CEP43: variants seen among roughly 807,000 people sequenced by gnomAD.
CEP43 encodes centrosomal protein 43, also known as FGFR1 oncogene partner.
Under a neutral mutation model 52.6 loss-of-function variants are expected in CEP43, and 36 were observed. That is an observed-to-expected ratio of 0.68 (90% CI 0.52 to 0.90). CEP43 has a LOEUF of 0.90. CEP43 is among the 40% of genes least tolerant of loss of function. The probability of loss-of-function intolerance (pLI) is 0.00; values close to 1 mark genes in which losing one functional copy is unlikely to be tolerated. For synonymous variants in CEP43, 192 were observed against 172.4 expected (o/e 1.11, Z -0.89); for missense variants, 506 against 472.8 (o/e 1.07, Z -0.65).
intron 5 of CEP43, among the ~76,000 whole-genome samples, chr6:167,004,930 T>G (rs1562523129): frequency 6.6e-6 from 1 of 152,244 alleles, no homozygotes; most frequent in African/African-American, 2.4e-5. Flanking sequence ...CAGTTCAAAC[T>G]TACACTTTTT....
rs73033025 is a variant in CEP43 at position 167,042,998 on chromosome 6, A to G, written c.*3020A>G. On this transcript the variant is annotated 3_prime_UTR_variant, in exon 13 of 13. Coordinates refer to ENST00000366847, the MANE Select transcript of CEP43 (RefSeq NM_007045.4). ...ATGTGGTTTCTGGCTAGGCAGCTGG[A>G]ACAATCTACAAAATCTGAGGGGAAA... 0.021 allele frequency: 3,129 copies of G among 152,384 alleles called. 53 individuals carry two copies. Among genetic ancestry groups the G allele is most frequent in the East Asian group, 0.09 (468 of 5,180 alleles). 9.4% of individuals were successfully genotyped at this position (152,384 alleles called of 1,614,324 possible).
At chr6:167,013,430 CTTTG>C (rs1241962402) in intron 6 of CEP43, 74 bp from the exon 7 acceptor site, 20 of 1,203,262 alleles carry the variant, frequency 1.7e-5, no homozygotes, top group Non-Finnish European at 2.3e-5. Flanking sequence ...CAGTAGGTAT[CTTTG>C]TTTGGTAATG....
chr6:167,025,122 G>A (rs907057299), intron 9 of CEP43: 8 of 328,442 alleles, frequency 2.4e-5, no homozygotes, highest in Middle Eastern at 7.9e-4. Flanking sequence ...ATATACCATC[G>A]GAATACTTTT....
At chr6:167,004,004 T>A (rs1779796214) in intron 4 of CEP43, 193 bp downstream of exon 4, 1 of 590,816 alleles carries the variant, frequency 1.7e-6, no homozygotes, top group South Asian at 2.4e-5. Flanking sequence ...TGCTTTGTGT[T>A]ACTTGAAAGC....
intron 5 of CEP43, among the ~76,000 whole-genome samples, chr6:167,004,920 C>G (rs1361719811): frequency 6.6e-6 from 1 of 152,200 alleles, no homozygotes; most frequent in African/African-American, 2.4e-5. Flanking sequence ...TGTTTAGAAA[C>G]AGTTCAAACT....
rs756608056 is a variant in CEP43, at chr6:167,026,539, G to C, written c.920-8G>C. The stretch of plus-strand genomic sequence containing the variant: ...CACTCTAATGTTAATATTTTCTCCT[G>C]TTCACAGGTAAAAGGGGAAATACAG... On this transcript the variant is annotated splice_polypyrimidine_tract_variant and splice_region_variant and intron_variant, in intron 9 of 12. Transcript: ENST00000366847. 1 of 1,552,644 alleles carries C rather than the reference G, an allele frequency of 6.4e-7. No individual in the cohort carries two copies. Among genetic ancestry groups the C allele is most frequent in the Non-Finnish European group, 8.9e-7 (1 of 1,124,110 alleles).
At chr6:167,023,411 C>T (rs1357758358) in intron 8 of CEP43, among the ~76,000 whole-genome samples, 1 of 152,124 alleles carries the variant, frequency 6.6e-6, no homozygotes, top group Non-Finnish European at 1.5e-5. Context: ...GGTTTTTAGC[C>T]TGCAAAACTA....
chr6:167,034,137 G>A (rs1320843540), intron 12 of CEP43, among the ~76,000 whole-genome samples, 166 bp downstream of exon 12: 1 of 152,218 alleles, frequency 6.6e-6, no homozygotes, highest in Non-Finnish European at 1.5e-5. Flanking sequence ...TTTGATGAAT[G>A]TGTAAGATTG....
rs1260850167 is a variant in CEP43 at position 167,051,750 on chromosome 6, T to G, written c.*11772T>G. 1 of 152,266 alleles carries G rather than the reference T, an allele frequency of 6.6e-6. No individual in the cohort carries two copies. The highest frequency in any genetic ancestry group is 1.5e-5 in the Non-Finnish European group (1 of 68,048). 9.4% of individuals were successfully genotyped at this position (152,266 alleles called of 1,614,324 possible). On this transcript the variant is annotated 3_prime_UTR_variant, in exon 13 of 13. Transcript: ENST00000366847. The stretch of plus-strand genomic sequence containing the variant: ...TTTTTTGTCTGTTTGACTTAAAGTC[T>G]ATTTTGTTTGATATTAGCATAGCTA...
At chr6:167,000,398 T>A (rs1779707065) in intron 2 of CEP43, among the ~76,000 whole-genome samples, 1 of 152,236 alleles carries the variant, frequency 6.6e-6, no homozygotes, top group Admixed American at 6.5e-5. Context: ...GTCAATGTGT[T>A]AAGTGCAGGT....
intron 8 of CEP43, among the ~76,000 whole-genome samples, chr6:167,022,890 G>A (rs1780269526): frequency 1.3e-5 from 2 of 152,090 alleles, no homozygotes; most frequent in African/African-American, 4.8e-5. Flanking sequence ...GTGGGGTGCA[G>A]CAATGATAGA....
chr6:167,036,479 T>G, intron 12 of CEP43: 1 of 985,332 alleles, frequency 1.0e-6, no homozygotes, highest in Non-Finnish European at 1.2e-6. Flanking sequence ...CATAGGTAGA[T>G]GTTGGAGGAA....
intron 12 of CEP43, 102 bp from the exon 13 acceptor site, chr6:167,039,802 C>A: frequency 8.5e-7 from 1 of 1,171,746 alleles, no homozygotes; most frequent in Non-Finnish European, 1.2e-6. Flanking sequence ...GCCATTCTTG[C>A]AGGAGTAAGG....
Position 167,003,978 on chromosome 6 carries a change from C to T in CEP43, c.300+167C>T, listed in dbSNP as rs1779795762. ...AAAAGCCATATGAGCTTTCAGATAGCTGGCACCAGTGTTGCTGCTTTGTGT... is the reference window on the plus strand; with the variant it reads ...AAAAGCCATATGAGCTTTCAGATAGTTGGCACCAGTGTTGCTGCTTTGTGT... On this transcript the variant is annotated intron_variant, in intron 4 of 12. Transcript: ENST00000366847. 9 of 603,894 alleles carry T rather than the reference C, an allele frequency of 1.5e-5. No individual in the cohort carries two copies. The South Asian group carries it at 2.0e-4, about 14-fold the overall frequency. 37.4% of individuals were successfully genotyped at this position (603,894 alleles called of 1,614,324 possible). A position where few individuals can be genotyped will look rare whatever the true frequency, so the allele number is the denominator to read the frequency against.
intron 12 of CEP43, 135 bp from the exon 13 acceptor site, chr6:167,039,769 T>TATTTTTTG: frequency 1.2e-6 from 1 of 866,018 alleles, no homozygotes; most frequent in Non-Finnish European, 1.9e-6. Context: ...ACATTTATAT[T>TATTTTTTG]ATTTTTTGAT....
In CEP43 at chr6:167,025,123, G is replaced by A. The variant is rs78350210; in HGVS notation, c.919+229G>A. On this transcript the variant is annotated intron_variant, in intron 9 of 12. Coordinates refer to ENST00000366847, the MANE Select transcript of CEP43 (RefSeq NM_007045.4). ...CCCTTCCTATACCTATATACCATCG[G>A]AATACTTTTGGGAAGTTGACTTTTT... 2,748 of 325,158 alleles carry A rather than the reference G, an allele frequency of 8.5e-3. 146 individuals are homozygous for A. The East Asian group carries it at 0.1, about 12-fold the overall frequency. The allele number at this position is 325,158 out of a possible 1,614,324, so 20.1% of individuals were successfully genotyped here. A position where few individuals can be genotyped will look rare whatever the true frequency, so the allele number is the denominator to read the frequency against.
rs749491241 is a variant in CEP43, at chr6:166,999,499, C to T, written c.87C>T (p.Val29=). The T allele has an allele frequency of 2.1e-6, 3 of 1,462,110 alleles. No individual in the cohort carries two copies. The highest frequency in any genetic ancestry group is 1.4e-5 in the South Asian group (1 of 73,020). 90.6% of individuals were successfully genotyped at this position (1,462,110 alleles called of 1,614,324 possible). The part of the protein sequence containing the change: ...LLVQTLENSG[V]LNRIKAELRA... ...TGCAGACGCTGGAGAACAGCGGGGTCCTGAACCGCATCAAGGTGAGGCCGG... is the reference window on the plus strand; with the variant it reads ...TGCAGACGCTGGAGAACAGCGGGGTTCTGAACCGCATCAAGGTGAGGCCGG... Residue 29 remains valine, a synonymous_variant, in exon 1 of 13, where the codon GTC becomes GTT. Coordinates refer to ENST00000366847, the MANE Select transcript of CEP43 (RefSeq NM_007045.4).
At chr6:167,017,124 T>TA (rs1780119923) in intron 7 of CEP43, among the ~76,000 whole-genome samples, 1 of 151,178 alleles carries the variant, frequency 6.6e-6, no homozygotes, top group African/African-American at 2.4e-5. Flanking sequence ...GCCTCCTGAG[T>TA]AGCTGGGATT....
intron 9 of CEP43, chr6:167,025,096 G>A (rs1052040925): frequency 1.2e-5 from 6 of 494,230 alleles, no homozygotes; most frequent in African/African-American, 1.2e-4. Flanking sequence ...TTTGTATTCT[G>A]GCCCTTCCTA....
Sources: allele counts gnomAD v4.1 joint callset (sites outside exome capture counted in the v4.1 genomes callset), GRCh38; gene constraint gnomAD v4.1.1; transcripts MANE v1.5; gene names NCBI Gene and HGNC (gene_info 2026-07-23, HGNC 2026-07-21).